Variants in AGTPBP1 observed in about 807,000 individuals in gnomAD.
AGTPBP1 encodes the protein cytosolic carboxypeptidase 1.
In AGTPBP1, 70 loss-of-function variants were observed where a neutral mutation model predicts 143.9. The observed-to-expected ratio is 0.49, with a 90% CI of 0.40 to 0.59. The LOEUF is 0.59. Ranked by LOEUF, AGTPBP1 falls within the 20% of genes least tolerant of loss-of-function variation. AGTPBP1 has a pLI of 0.00. For synonymous variants in AGTPBP1, 463 were observed against 500.2 expected (o/e 0.93, Z 0.99); for missense variants, 1,229 against 1,464.5 (o/e 0.84, Z 2.62).
Position 85,657,542 on chromosome 9 carries a change from T to C in AGTPBP1, c.802A>G (p.Ile268Val). ...AAACTCTGTAAAATTCCTTTCCGAA[T>C]GAGCATGTTTCTATGCCGGTTATCA... ...RHDNRHRNML[I>V]RKGILQSLKS... The change falls in exon 10 of 26, where the codon ATT becomes GTT. Residue 268 changes from isoleucine (I) to valine (V), a missense_variant. This residue lies in a region of AGTPBP1 where 743 missense variants were observed against 812.2 expected (regional missense o/e 0.91). Coordinates refer to ENST00000357081, the MANE Select transcript of AGTPBP1 (RefSeq NM_001330701.2). 2 of 1,613,990 alleles carry C rather than the reference T, an allele frequency of 1.2e-6. No individual in the cohort carries two copies. Among genetic ancestry groups the C allele is most frequent in the Non-Finnish European group, 8.5e-7 (1 of 1,179,902 alleles).
chr9:85,600,196 A>C (rs1347340527), intron 17 of AGTPBP1, among the ~76,000 whole-genome samples: 1 of 152,172 alleles, frequency 6.6e-6, no homozygotes, highest in Non-Finnish European at 1.5e-5. Context: ...TTCTCTTTAT[A>C]CTTGAAACTC....
At chr9:85,715,480 G>A (rs933835743) in intron 1 of AGTPBP1, among the ~76,000 whole-genome samples, 1 of 152,106 alleles carries the variant, frequency 6.6e-6, no homozygotes, top group Non-Finnish European at 1.5e-5. Flanking sequence ...ACTGCAAATA[G>A]TAACTTCTTA....
At chr9:85,771,985 C>CTTT in the AGTPBP1 span, among the ~76,000 whole-genome samples, 8 of 132,328 alleles carry the variant, frequency 6.0e-5, no homozygotes, top group East Asian at 2.2e-4. Flanking sequence ...TTATGCTGTT[C>CTTT]TTTTTTTTTT....
At chr9:85,560,610 G>C (rs929051059) in intron 25 of AGTPBP1, among the ~76,000 whole-genome samples, 19 of 152,208 alleles carry the variant, frequency 1.2e-4, no homozygotes, top group African/African-American at 4.3e-4. Flanking sequence ...CCCCTAAGGA[G>C]TCTTTGTAGA....
rs764878950 is a variant in AGTPBP1, at chr9:85,677,492, G to A, written c.380C>T (p.Pro127Leu). 3.7e-6 allele frequency: 6 copies of A among 1,604,578 alleles called. No homozygotes were observed. The South Asian group carries it at 4.5e-5, about 12-fold the overall frequency. ...AATCTGTACCATTAAGTCCTCATGT[G>A]GGGGAGATTCTTTGCTGGCATTCAT... ...LLMNASKESP[P>L]HEDLMVQIHS... Residue 127 changes from proline (P) to leucine (L), a missense_variant, in exon 6 of 26, where the codon CCA (proline) becomes CTA (leucine). Transcript: ENST00000357081.
intron 25 of AGTPBP1, among the ~76,000 whole-genome samples, chr9:85,566,549 A>AT (rs66771121): frequency 1.3e-5 from 2 of 149,980 alleles, no homozygotes; most frequent in Admixed American, 1.3e-4. Flanking sequence ...AAAAAAAAAA[A>AT]GGCTGGTATA....
the AGTPBP1 span, chr9:85,788,176 T>C: frequency 6.6e-6 from 1 of 152,072 alleles, no homozygotes; most frequent in Non-Finnish European, 1.5e-5. Flanking sequence ...TAAATATTGG[T>C]CCAATGAGAT....
chr9:85,688,062 C>A, intron 3 of AGTPBP1, among the ~76,000 whole-genome samples: 1 of 137,696 alleles, frequency 7.3e-6, no homozygotes, highest in Non-Finnish European at 1.5e-5. Flanking sequence ...TGCACTCCAG[C>A]CTGGGCAACA....
chr9:85,718,427 G>A (rs866602786), intron 1 of AGTPBP1, among the ~76,000 whole-genome samples: 39 of 152,284 alleles, frequency 2.6e-4, no homozygotes, highest in African/African-American at 8.7e-4. Flanking sequence ...CAGTGATAAC[G>A]AGCATTTTTT....
intron 20 of AGTPBP1, 53 bp from the exon 21 acceptor site, chr9:85,588,531 A>G (rs1828756912): frequency 6.4e-7 from 1 of 1,562,904 alleles, no homozygotes; most frequent in Non-Finnish European, 8.7e-7. Flanking sequence ...AAAAGTTTGT[A>G]TATTTTACTT....
At chr9:85,653,732 G>A (rs933494324) in intron 11 of AGTPBP1, among the ~76,000 whole-genome samples, 13 of 152,176 alleles carry the variant, frequency 8.5e-5, no homozygotes, top group African/African-American at 3.1e-4. Context: ...AGAGGGAGTG[G>A]AGGCTTGATG....
chr9:85,596,723 A>G (rs1337012827), intron 17 of AGTPBP1, among the ~76,000 whole-genome samples: 1 of 152,184 alleles, frequency 6.6e-6, no homozygotes, highest in African/African-American at 2.4e-5. Flanking sequence ...GAAATCAATT[A>G]AAGATAATAT....
intron 14 of AGTPBP1, among the ~76,000 whole-genome samples, chr9:85,628,770 G>A (rs776709474): frequency 1.2e-4 from 18 of 152,118 alleles, no homozygotes; most frequent in Non-Finnish European, 2.2e-4. Context: ...CTGGAGTGCG[G>A]TGGCACGATC....
chr9:85,757,437 T>C, the AGTPBP1 span, among the ~76,000 whole-genome samples: 1 of 151,604 alleles, frequency 6.6e-6, no homozygotes, highest in South Asian at 2.1e-4. Flanking sequence ...TTATGTTTTT[T>C]GAAAAGCCAT....
Position 85,692,791 on chromosome 9 carries a change from C to T in AGTPBP1, c.55G>A (p.Val19Ile), listed in dbSNP as rs138810571. 15 of 1,613,642 alleles carry T rather than the reference C, an allele frequency of 9.3e-6. No individual in the cohort carries two copies. The highest frequency in any genetic ancestry group is 1.6e-4 in the Middle Eastern group (1 of 6,084). ...TTCTCCAGTTGAGCCAGGAGTCCTA[C>T]GATCCTAGAATTATTGGTAAGGCTA... Reference protein sequence around the residue: ...EKSLTNNSRIVGLLAQLEKIN... With the variant: ...EKSLTNNSRIIGLLAQLEKIN... The change falls in exon 3 of 26, where the codon GTA (valine) becomes ATA (isoleucine). Residue 19 changes from valine (V) to isoleucine (I), a missense_variant. This residue lies in a region of AGTPBP1 where 743 missense variants were observed against 812.2 expected (regional missense o/e 0.91). Coordinates refer to ENST00000357081, the MANE Select transcript of AGTPBP1 (RefSeq NM_001330701.2).
At chr9:85,770,728 A>G in the AGTPBP1 span, among the ~76,000 whole-genome samples, 1 of 152,158 alleles carries the variant, frequency 6.6e-6, no homozygotes, top group African/African-American at 2.4e-5. Context: ...CTTTCAAAAG[A>G]AGTCCTTTTT....
intron 25 of AGTPBP1, among the ~76,000 whole-genome samples, chr9:85,558,682 G>A (rs926120488): frequency 1.3e-5 from 2 of 152,090 alleles, no homozygotes; most frequent in Non-Finnish European, 2.9e-5. Context: ...ACAACGACAT[G>A]ATCTCGGCTC....
the AGTPBP1 span, among the ~76,000 whole-genome samples, chr9:85,776,960 G>T: frequency 2.6e-5 from 4 of 152,092 alleles, no homozygotes; most frequent in Non-Finnish European, 4.4e-5. Flanking sequence ...GAGCATACAC[G>T]GCCTTCTGGA....
chr9:85,726,732 C>T (rs1838519121), intron 1 of AGTPBP1, among the ~76,000 whole-genome samples: 1 of 152,112 alleles, frequency 6.6e-6, no homozygotes, highest in African/African-American at 2.4e-5. Context: ...AAATTACATT[C>T]ATTTGACAAG....
Sources: gnomAD v4.1 joint callset for allele counts (sites outside exome capture counted in the v4.1 genomes callset) on GRCh38, gnomAD v4.1.1 for gene constraint, gnomAD v4.1.1 regional missense constraint, MANE v1.5 for transcripts, NCBI Gene and HGNC (gene_info 2026-07-23, HGNC 2026-07-21) for gene names.